NTRK2: variants seen among roughly 807,000 people sequenced by gnomAD.
The protein encoded by NTRK2 is neurotrophic receptor tyrosine kinase 2.
In NTRK2, 13 loss-of-function variants were observed where a neutral mutation model predicts 94.5. The observed-to-expected ratio is 0.14, with a 90% CI of 0.09 to 0.22. The LOEUF (loss-of-function observed/expected upper bound fraction) is 0.22, where lower values mean the gene tolerates loss of function less well. Ranked by LOEUF, NTRK2 falls within the 10% of genes least tolerant of loss-of-function variation. NTRK2 has a pLI of 1.00. For missense variants in NTRK2, 639 were observed against 1,071.2 expected, an observed-to-expected ratio of 0.60 and a Z score of 5.63; for synonymous variants, 372 against 407.4, an observed-to-expected ratio of 0.91 and a Z score of 1.05.
At chr9:84,675,552 CA>C (rs1258991669) in intron 2 of NTRK2, among the ~76,000 whole-genome samples, 2 of 151,926 alleles carry the variant, frequency 1.3e-5, no homozygotes, top group Non-Finnish European at 1.5e-5. Flanking sequence ...CCCCTTGGAA[CA>C]ATGCCAATTT....
At chr9:84,998,880 G>C (rs1197328103) in intron 17 of NTRK2, among the ~76,000 whole-genome samples, 1 of 152,206 alleles carries the variant, frequency 6.6e-6, no homozygotes, top group Non-Finnish European at 1.5e-5. Context: ...TTCTAGTGAA[G>C]TACCAATGTG....
intron 12 of NTRK2, among the ~76,000 whole-genome samples, chr9:84,827,085 AG>A (rs141337456): frequency 0.047 from 7,084 of 152,324 alleles, 208 homozygotes; most frequent in Admixed American, 0.089. Flanking sequence ...TAATCCTTAA[AG>A]AATATCATTA....
intron 12 of NTRK2, among the ~76,000 whole-genome samples, chr9:84,860,401 C>G (rs535909066): frequency 1.3e-5 from 2 of 152,312 alleles, no homozygotes; most frequent in East Asian, 3.9e-4. Context: ...CAGCTGTACA[C>G]AGCCCAGTGT....
At chr9:84,954,806 A>G (rs1171387368) in intron 16 of NTRK2, among the ~76,000 whole-genome samples, 5 of 152,190 alleles carry the variant, frequency 3.3e-5, no homozygotes, top group Non-Finnish European at 7.4e-5. Context: ...ATACTCTGGC[A>G]TAGCCTGGCT....
intron 17 of NTRK2, among the ~76,000 whole-genome samples, chr9:84,960,521 A>G (rs930354114): frequency 2.6e-5 from 4 of 152,216 alleles, no homozygotes; most frequent in Non-Finnish European, 5.9e-5. Flanking sequence ...TGAGATAGGT[A>G]GGTGGATGGA....
At chr9:85,008,552 C>G (rs1051843930) in intron 17 of NTRK2, among the ~76,000 whole-genome samples, 2 of 152,168 alleles carry the variant, frequency 1.3e-5, no homozygotes, top group Admixed American at 1.3e-4. Flanking sequence ...TGAAGTCACA[C>G]TTTATGTCAA....
In NTRK2 at chr9:84,879,596, A is replaced by G. The variant is rs551109025; in HGVS notation, c.1633+12165A>G. On this transcript the variant is annotated intron_variant, in intron 14 of 18. Transcript: ENST00000277120. ...TATTACTCTGTTTTACAGATGGGAA[A>G]AGTGAGGCTCAGAAAAGTTAGGAGG... is the stretch of plus-strand genomic sequence containing the variant. Among the ~76,000 whole-genome samples the G allele has an allele frequency of 2.0e-5, 3 of 152,340 alleles. No individual in the cohort carries two copies. In the South Asian group the frequency reaches 6.2e-4, roughly 32 times the overall value.
Position 84,894,002 on chromosome 9 carries a change from A to G in NTRK2, c.1633+26571A>G, listed in dbSNP as rs74871170. Among the ~76,000 whole-genome samples, 716 of 152,184 alleles carry G rather than the reference A, an allele frequency of 4.7e-3. 12 individuals are homozygous for G. Among genetic ancestry groups the G allele is most frequent in the Admixed American group, 0.038 (577 of 15,290 alleles). On this transcript the variant is annotated intron_variant, in intron 14 of 18. Transcript: ENST00000277120. ...CTGTCAAACCGAGTGTTGCAAGGAG[A>G]TATCATCAGGCTGTTCAATCCGGGG...
At chr9:84,838,905 T>C (rs1239362557) in intron 12 of NTRK2, among the ~76,000 whole-genome samples, 2 of 152,186 alleles carry the variant, frequency 1.3e-5, no homozygotes, top group Admixed American at 6.5e-5. Context: ...AATGATTTTT[T>C]TTTTTTACAA....
intron 12 of NTRK2, among the ~76,000 whole-genome samples, chr9:84,767,501 G>A (rs2066148061): frequency 6.6e-6 from 1 of 152,140 alleles, no homozygotes; most frequent in African/African-American, 2.4e-5. Context: ...TGCCGTCTTT[G>A]TCTGAATTAA....
At chr9:84,729,613 C>G (rs1316756534) in intron 9 of NTRK2, among the ~76,000 whole-genome samples, 1 of 152,214 alleles carries the variant, frequency 6.6e-6, no homozygotes, top group Middle Eastern at 3.2e-3. Context: ...TATCACCTCC[C>G]CCACCATTGT....
intron 12 of NTRK2, among the ~76,000 whole-genome samples, chr9:84,801,256 G>T (rs2070409765): frequency 6.6e-6 from 1 of 152,156 alleles, no homozygotes; most frequent in Non-Finnish European, 1.5e-5. Context: ...GGATCCAAAC[G>T]GGTGTTTCTG....
chr9:84,948,047 C>G (rs868544546), intron 15 of NTRK2, among the ~76,000 whole-genome samples: 8 of 152,112 alleles, frequency 5.3e-5, no homozygotes, highest in Admixed American at 1.3e-4. Flanking sequence ...GGAGATGGGT[C>G]CACAAAGGTT....
intron 14 of NTRK2, among the ~76,000 whole-genome samples, chr9:84,869,214 C>T (rs1310232655): frequency 6.6e-6 from 1 of 152,074 alleles, no homozygotes; most frequent in Admixed American, 6.5e-5. Context: ...GTTTGGGTTC[C>T]TTTTGGAGCA....
At chr9:84,805,946 T>A (rs533489660) in intron 12 of NTRK2, among the ~76,000 whole-genome samples, 1 of 152,348 alleles carries the variant, frequency 6.6e-6, no homozygotes, top group East Asian at 1.9e-4. Flanking sequence ...CCCCTTGACC[T>A]TGGACTTGTC....
At chr9:84,695,073 A>AAAAAC (rs1554694511) in intron 2 of NTRK2, among the ~76,000 whole-genome samples, 42 of 133,876 alleles carry the variant, frequency 3.1e-4, no homozygotes, top group African/African-American at 5.9e-4. Flanking sequence ...AAAAAAAAAA[A>AAAAAC]ACACACAACA....
chr9:84,869,734 G>A (rs1379254760), intron 14 of NTRK2, among the ~76,000 whole-genome samples: 3 of 152,002 alleles, frequency 2.0e-5, no homozygotes, highest in Admixed American at 6.6e-5. Flanking sequence ...TACCTTTGAT[G>A]TCGGCCACAT....
intron 17 of NTRK2, among the ~76,000 whole-genome samples, chr9:85,009,984 A>G (rs1831384722): frequency 6.6e-6 from 1 of 152,204 alleles, no homozygotes; most frequent in African/African-American, 2.4e-5. Flanking sequence ...CTAATGGTGG[A>G]ATGTAGATTC....
Position 84,878,630 on chromosome 9 carries a change from C to CT in NTRK2, c.1633+11200dup, listed in dbSNP as rs201777154. On this transcript the variant is annotated intron_variant, in intron 14 of 18. Coordinates refer to ENST00000277120, the MANE Select transcript of NTRK2 (RefSeq NM_006180.6). ...GCCTGGCGACAGAAAGAGACTATGT[C>CT]TAAAAAAAAAAAAAAAAAATTCTGA... Among the ~76,000 whole-genome samples, 855 of 95,070 alleles carry CT rather than the reference C, an allele frequency of 9.0e-3. 13 individuals are homozygous for CT. Among genetic ancestry groups the CT allele is most frequent in the African/African-American group, 0.028 (801 of 28,588 alleles). 62.4% of individuals were successfully genotyped at this position (95,070 alleles called of 152,430 possible).
Sources: gnomAD v4.1 joint callset for allele counts (sites outside exome capture counted in the v4.1 genomes callset) on GRCh38, gnomAD v4.1.1 for gene constraint, MANE v1.5 for transcripts, NCBI Gene and HGNC (gene_info 2026-07-23, HGNC 2026-07-21) for gene names.